FBXL7: variants seen among roughly 807,000 people sequenced by gnomAD.
FBXL7 encodes the protein F-box/LRR-repeat protein 7.
A neutral mutation model predicts 38.3 loss-of-function variants in FBXL7; 12 were observed. The observed-to-expected ratio is 0.31, with a 90% confidence interval of 0.20 to 0.51. FBXL7 has a LOEUF of 0.51. Among genes scored for constraint, FBXL7 ranks in the 20% least tolerant of loss-of-function variants. The pLI is 0.98. For synonymous variants in FBXL7, 297 were observed against 300.9 expected, an observed-to-expected ratio of 0.99 and a Z score of 0.13; for missense variants, 567 against 676.4, an observed-to-expected ratio of 0.84 and a Z score of 1.79.
intron 2 of FBXL7, among the ~76,000 whole-genome samples, chr5:15,876,895 C>A: frequency 6.6e-6 from 1 of 152,134 alleles, no homozygotes; most frequent in Non-Finnish European, 1.5e-5. Context: ...GAGATGGTTA[C>A]TAAGTATTTT....
chr5:15,861,919 G>A (rs1256165320), intron 2 of FBXL7, among the ~76,000 whole-genome samples: 1 of 152,188 alleles, frequency 6.6e-6, no homozygotes, highest in Non-Finnish European at 1.5e-5. Flanking sequence ...TATATGATCA[G>A]CCAGACTTCA....
chr5:15,560,987 G>A (rs1738400320), intron 1 of FBXL7, among the ~76,000 whole-genome samples: 1 of 152,078 alleles, frequency 6.6e-6, no homozygotes, highest in Non-Finnish European at 1.5e-5. Flanking sequence ...CATTACTAGG[G>A]TCAAGTAAAT....
chr5:15,920,331 G>A (rs2126444249), intron 2 of FBXL7, among the ~76,000 whole-genome samples: 1 of 152,260 alleles, frequency 6.6e-6, no homozygotes, highest in East Asian at 1.9e-4. Flanking sequence ...TGGGCACTTG[G>A]GCAGCAGTAA....
chr5:15,535,737 G>A (rs1040569924), intron 1 of FBXL7, among the ~76,000 whole-genome samples: 3 of 152,196 alleles, frequency 2.0e-5, no homozygotes, highest in Admixed American at 1.3e-4. Context: ...TAAGAGGGAA[G>A]CAGAACATAA....
chr5:15,776,178 A>G (rs1250543213), intron 2 of FBXL7, among the ~76,000 whole-genome samples: 8 of 152,134 alleles, frequency 5.3e-5, no homozygotes, highest in Admixed American at 1.3e-4. Context: ...AAATCAGGGT[A>G]GATGCCGGCC....
intron 2 of FBXL7, among the ~76,000 whole-genome samples, chr5:15,685,556 A>G (rs1037995810): frequency 6.6e-6 from 1 of 152,194 alleles, no homozygotes; most frequent in Non-Finnish European, 1.5e-5. Flanking sequence ...GGAATATTCC[A>G]TCTATTTCTA....
At chr5:15,548,360 C>T (rs1042644925) in intron 1 of FBXL7, among the ~76,000 whole-genome samples, 4 of 152,150 alleles carry the variant, frequency 2.6e-5, no homozygotes, top group African/African-American at 9.7e-5. Flanking sequence ...TAAAATTCAT[C>T]CTAATTACTT....
rs1483519883 is a variant in FBXL7 at position 15,666,701 on chromosome 5, A to G, written c.127+50629A>G. On this transcript the variant is annotated intron_variant, in intron 2 of 3. Coordinates refer to ENST00000504595, the MANE Select transcript of FBXL7 (RefSeq NM_012304.5). ...CCAGAACAATTTTAGCCTGAGGCAG[A>G]AAACTGGAACACACTTGGATCATAT... 3.3e-5 allele frequency among the ~76,000 whole-genome samples: 5 copies of G among 152,220 alleles called. 1 individual carries two copies. The highest frequency in any genetic ancestry group is 3.3e-4 in the Admixed American group (5 of 15,274).
intron 2 of FBXL7, among the ~76,000 whole-genome samples, chr5:15,785,937 C>G (rs1052306968): frequency 6.6e-6 from 1 of 152,304 alleles, no homozygotes; most frequent in Non-Finnish European, 1.5e-5. Context: ...AATGGCACTT[C>G]TTAATTTTCA....
At chr5:15,592,637 A>C (rs558321986) in intron 1 of FBXL7, among the ~76,000 whole-genome samples, 17 of 152,310 alleles carry the variant, frequency 1.1e-4, no homozygotes, top group Admixed American at 1.1e-3. Context: ...TGTGTTTTAT[A>C]ATAACGGATT....
intron 2 of FBXL7, among the ~76,000 whole-genome samples, chr5:15,643,798 G>A (rs1009929376): frequency 2.2e-4 from 33 of 152,206 alleles, no homozygotes; most frequent in South Asian, 2.1e-4. Context: ...TCTCTTGCTA[G>A]AAGACCTTGA....
At chr5:15,898,685 C>T (rs1741161629) in intron 2 of FBXL7, among the ~76,000 whole-genome samples, 1 of 152,194 alleles carries the variant, frequency 6.6e-6, no homozygotes, top group African/African-American at 2.4e-5. Flanking sequence ...TGAAATAGTT[C>T]CCATAGACAC....
At chr5:15,868,403 A>G (rs1739810942) in intron 2 of FBXL7, among the ~76,000 whole-genome samples, 1 of 152,242 alleles carries the variant, frequency 6.6e-6, no homozygotes, top group Non-Finnish European at 1.5e-5. Context: ...GCATGTGTTA[A>G]GCCACTAAGT....
chr5:15,573,230 C>G (rs1456535057), intron 1 of FBXL7, among the ~76,000 whole-genome samples: 2 of 152,120 alleles, frequency 1.3e-5, no homozygotes, highest in Non-Finnish European at 2.9e-5. Flanking sequence ...TCAATAAATG[C>G]TGGTGCAGTT....
At chr5:15,756,554 G>T (rs750575395) in intron 2 of FBXL7, among the ~76,000 whole-genome samples, 1 of 152,040 alleles carries the variant, frequency 6.6e-6, no homozygotes, top group Non-Finnish European at 1.5e-5. Flanking sequence ...GTCACTATCC[G>T]GACCATTTTT....
chr5:15,855,259 A>G (rs918193224), intron 2 of FBXL7, among the ~76,000 whole-genome samples: 4 of 152,182 alleles, frequency 2.6e-5, no homozygotes, highest in South Asian at 2.1e-4. Flanking sequence ...GTAAAATATA[A>G]AAAAGCTCAG....
At chr5:15,906,755 G>C (rs1741379223) in intron 2 of FBXL7, among the ~76,000 whole-genome samples, 1 of 78,070 alleles carries the variant, frequency 1.3e-5, no homozygotes, top group African/African-American at 5.2e-5. Flanking sequence ...CTATGAGTGA[G>C]AATATGCGGT....
At position 15,642,749 on chromosome 5, in the gene FBXL7, A is replaced by G. The variant is rs181805283; in HGVS notation, c.127+26677A>G. ...ACGGGGAAGCAGGGTAGGTGGGAAG[A>G]GGGGAGAAGGAATCCATATTAGAGC... On this transcript the variant is annotated intron_variant, in intron 2 of 3. Transcript: ENST00000504595. 8.2e-4 allele frequency among the ~76,000 whole-genome samples: 125 copies of G among 152,310 alleles called. 2 individuals are homozygous for G. The highest frequency in any genetic ancestry group is 2.8e-3 in the African/African-American group (118 of 41,578).
chr5:15,500,655 C>A lies in FBXL7; in HGVS notation c.-22C>A, dbSNP rs369996570. On this transcript the variant is annotated 5_prime_UTR_variant, in exon 1 of 4. Coordinates refer to ENST00000504595, the MANE Select transcript of FBXL7 (RefSeq NM_012304.5). ...CGCAGCTATGGAGTGTCCCGGGAGA[C>A]GGCGGGCATGACGGCTACAGGATGG... 1.0e-4 allele frequency: 163 copies of A among 1,613,304 alleles called. 1 individual carries two copies. The African/African-American group carries it at 1.9e-3, about 19-fold the overall frequency.
Sources: allele counts gnomAD v4.1 joint callset (sites outside exome capture counted in the v4.1 genomes callset), GRCh38; gene constraint gnomAD v4.1.1; transcripts MANE v1.5; gene names NCBI Gene and HGNC (gene_info 2026-07-23, HGNC 2026-07-21).